PTPRR: variants seen among roughly 807,000 people sequenced by gnomAD.
The protein encoded by PTPRR is receptor-type tyrosine-protein phosphatase R.
Under a neutral mutation model 77.2 loss-of-function variants are expected in PTPRR, and 38 were observed. The observed-to-expected ratio is 0.49, with a 90% CI of 0.38 to 0.65. The LOEUF is 0.65. Ranked by LOEUF, PTPRR falls within the 30% of genes least tolerant of loss-of-function variation. The probability of loss-of-function intolerance (pLI) is 0.00; values close to 1 mark genes in which losing one functional copy is unlikely to be tolerated. For synonymous variants in PTPRR, 299 were observed against 283.1 expected (o/e 1.06, Z -0.57); for missense variants, 744 against 799.2 (o/e 0.93, Z 0.83).
chr12:70,702,837 T>G (rs931881569), intron 6 of PTPRR, among the ~76,000 whole-genome samples: 8 of 152,176 alleles, frequency 5.3e-5, no homozygotes, highest in African/African-American at 9.7e-5. Context: ...CTTTTAATGG[T>G]TGAAACTACT....
At chr12:70,878,141 A>G (rs1166142470) in intron 2 of PTPRR, among the ~76,000 whole-genome samples, 1 of 152,220 alleles carries the variant, frequency 6.6e-6, no homozygotes. Flanking sequence ...TAAAACCATA[A>G]AAACCCTAGA....
At chr12:70,713,794 C>T (rs951353279) in intron 6 of PTPRR, among the ~76,000 whole-genome samples, 1 of 152,050 alleles carries the variant, frequency 6.6e-6, no homozygotes, top group African/African-American at 2.4e-5. Context: ...GGACACTAGA[C>T]CCTTATTACA....
At chr12:70,898,440 CATTT>C (rs922258976) in intron 1 of PTPRR, among the ~76,000 whole-genome samples, 19 of 149,722 alleles carry the variant, frequency 1.3e-4, no homozygotes, top group African/African-American at 4.6e-4. Flanking sequence ...TTTTCATCAT[CATTT>C]AGTCTTTTTT....
intron 10 of PTPRR, among the ~76,000 whole-genome samples, chr12:70,668,955 T>C (rs747195884): frequency 6.6e-6 from 1 of 152,148 alleles, no homozygotes; most frequent in East Asian, 1.9e-4. Flanking sequence ...CTTAATGAGG[T>C]CTTAAGGTTT....
At chr12:70,833,078 C>A (rs527915048) in intron 2 of PTPRR, among the ~76,000 whole-genome samples, 5 of 152,270 alleles carry the variant, frequency 3.3e-5, no homozygotes, top group Admixed American at 2.6e-4. Flanking sequence ...CCCCATGACC[C>A]AAACACCTCC....
intron 1 of PTPRR, among the ~76,000 whole-genome samples, chr12:70,907,313 C>T (rs1565737739): frequency 6.6e-6 from 1 of 152,112 alleles, no homozygotes; most frequent in Admixed American, 6.5e-5. Flanking sequence ...TTTTAATCAC[C>T]TTGTAAAGTT....
chr12:70,776,549 C>T (rs1351148363), intron 2 of PTPRR, among the ~76,000 whole-genome samples: 2 of 152,136 alleles, frequency 1.3e-5, no homozygotes, highest in Admixed American at 6.5e-5. Flanking sequence ...CCCTGTCCTT[C>T]CAGTCTTAAC....
intron 2 of PTPRR, among the ~76,000 whole-genome samples, chr12:70,771,635 T>C (rs552616727): frequency 2.0e-5 from 3 of 152,202 alleles, no homozygotes; most frequent in Admixed American, 6.5e-5. Flanking sequence ...GGTCAATTCA[T>C]AAAGAATTTC....
At chr12:70,773,345 C>T (rs1243305648) in intron 2 of PTPRR, among the ~76,000 whole-genome samples, 2 of 152,120 alleles carry the variant, frequency 1.3e-5, no homozygotes, top group Non-Finnish European at 2.9e-5. Context: ...AGGAGAAAGT[C>T]AGAATTCTGA....
In PTPRR at chr12:70,676,489, A is replaced by AT. The variant is rs951598579; in HGVS notation, c.1497+7637dup. On this transcript the variant is annotated intron_variant, in intron 10 of 13. Coordinates refer to ENST00000283228, the MANE Select transcript of PTPRR (RefSeq NM_002849.4). ...ATCTATTTAATTGTTGCTGCTTCTG[A>AT]TTTTTTCTCATGGTTTTTATTGGTT... Among the ~76,000 whole-genome samples the AT allele has an allele frequency of 4.0e-5, 6 of 151,498 alleles. No homozygotes were observed. The East Asian group carries it at 7.7e-4, about 20-fold the overall frequency.
chr12:70,740,049 T>A (rs1238428676), intron 6 of PTPRR, among the ~76,000 whole-genome samples: 6 of 152,106 alleles, frequency 3.9e-5, no homozygotes, highest in Non-Finnish European at 5.9e-5. Flanking sequence ...CAAATGGGGA[T>A]TTTTGCACAG....
At chr12:70,666,883 CTTTT>C (rs912445276) in intron 10 of PTPRR, among the ~76,000 whole-genome samples, 11 of 124,556 alleles carry the variant, frequency 8.8e-5, no homozygotes, top group East Asian at 2.3e-4. Flanking sequence ...AAATAAAATA[CTTTT>C]TTTATGATTC....
chr12:70,672,181 G>T, intron 10 of PTPRR: 11 of 1,544,742 alleles, frequency 7.1e-6, no homozygotes, highest in South Asian at 4.6e-5. Context: ...GTGCCCAGTT[G>T]CCAGTCCTAC....
intron 2 of PTPRR, among the ~76,000 whole-genome samples, chr12:70,797,809 T>C (rs1015317088): frequency 3.9e-5 from 6 of 152,218 alleles, no homozygotes; most frequent in Non-Finnish European, 5.9e-5. Context: ...TCTCCTTCAC[T>C]GGCTCCTCTT....
At chr12:70,728,528 A>AAAATAT (rs1889537317) in intron 6 of PTPRR, among the ~76,000 whole-genome samples, 1 of 80,152 alleles carries the variant, frequency 1.2e-5, no homozygotes, top group Non-Finnish European at 2.3e-5. Flanking sequence ...CCAAAATCTG[A>AAAATAT]ATATATATAT....
At chr12:70,671,340 A>G (rs1308596207) in intron 10 of PTPRR, among the ~76,000 whole-genome samples, 2 of 152,146 alleles carry the variant, frequency 1.3e-5, no homozygotes, top group African/African-American at 4.8e-5. Flanking sequence ...CAAAATTTTT[A>G]TTGTAATATT....
At chr12:70,820,753 A>C (rs1394754271) in intron 2 of PTPRR, among the ~76,000 whole-genome samples, 1 of 152,018 alleles carries the variant, frequency 6.6e-6, no homozygotes. Flanking sequence ...TATCACTTTC[A>C]TTTTCTGATC....
intron 2 of PTPRR, among the ~76,000 whole-genome samples, chr12:70,878,590 G>C (rs575147099): frequency 6.6e-6 from 1 of 152,282 alleles, no homozygotes; most frequent in Admixed American, 6.5e-5. Context: ...TCATTAAAAA[G>C]TCACGAAACA....
At chr12:70,789,641 G>A (rs1891389316) in intron 2 of PTPRR, among the ~76,000 whole-genome samples, 4 of 151,694 alleles carry the variant, frequency 2.6e-5, no homozygotes, top group Admixed American at 2.6e-4. Context: ...AAAAATAGAT[G>A]GCAACAAAAA....
Sources: allele counts gnomAD v4.1 joint callset (sites outside exome capture counted in the v4.1 genomes callset), GRCh38; gene constraint gnomAD v4.1.1; transcripts MANE v1.5; gene names NCBI Gene and HGNC (gene_info 2026-07-23, HGNC 2026-07-21).